The following ERC1 variants were observed in gnomAD, a reference collection of about 807,000 sequenced individuals.
ERC1 encodes the protein RAB6 interacting protein 2.
Under a neutral mutation model 132.0 loss-of-function variants are expected in ERC1, and 56 were observed. The observed-to-expected ratio is 0.42, with a 90% CI of 0.34 to 0.53. ERC1 has a LOEUF of 0.53. Among genes scored for constraint, ERC1 ranks in the 20% least tolerant of loss-of-function variants. ERC1 has a pLI of 0.03. For synonymous variants in ERC1, 478 were observed against 476.1 expected (o/e 1.00, Z -0.05); for missense variants, 1,202 against 1,349.9 (o/e 0.89, Z 1.72).
At chr12:1,095,862 T>C (rs1943953032) in intron 3 of ERC1, among the ~76,000 whole-genome samples, 1 of 152,136 alleles carries the variant, frequency 6.6e-6, no homozygotes. Context: ...AAAACGTCTT[T>C]GTAGAAAAGC....
At chr12:1,080,580 G>A (rs1448161823) in intron 2 of ERC1, among the ~76,000 whole-genome samples, 1 of 152,174 alleles carries the variant, frequency 6.6e-6, no homozygotes, top group East Asian at 1.9e-4. Flanking sequence ...CATAGGAGGA[G>A]GTAATTGAAT....
intron 14 of ERC1, among the ~76,000 whole-genome samples, chr12:1,264,667 CAA>C (rs1165849760): frequency 5.1e-5 from 7 of 136,148 alleles, no homozygotes; most frequent in Non-Finnish European, 1.1e-4. Context: ...CTGTCTCAAA[CAA>C]AAAAAAAAAG....
At chr12:1,221,350 G>A (rs1207271501) in intron 12 of ERC1, among the ~76,000 whole-genome samples, 4 of 152,114 alleles carry the variant, frequency 2.6e-5, no homozygotes, top group Non-Finnish European at 5.9e-5. Context: ...ATAAAATCGG[G>A]TCCTTGTCTT....
chr12:1,068,538 T>A lies in ERC1; in HGVS notation c.670-14626T>A, dbSNP rs895864280. ...CTGATTCTTTACTGATGCTTAGCAT[T>A]TTTTTGTGAATAATTTTTATCCCTC... On this transcript the variant is annotated intron_variant, in intron 2 of 18. Transcript: ENST00000360905. Among the ~76,000 whole-genome samples, 13 of 152,340 alleles carry A rather than the reference T, an allele frequency of 8.5e-5. 1 individual carries two copies. The South Asian group carries it at 1.9e-3, about 22-fold the overall frequency.
intron 2 of ERC1, among the ~76,000 whole-genome samples, chr12:1,055,043 C>T (rs1309834918): frequency 6.6e-6 from 1 of 152,014 alleles, no homozygotes; most frequent in Non-Finnish European, 1.5e-5. Context: ...TGACAGGAGA[C>T]CCCTACCTAA....
At chr12:1,402,242 A>G (rs1268650091) in intron 16 of ERC1, among the ~76,000 whole-genome samples, 3 of 152,226 alleles carry the variant, frequency 2.0e-5, no homozygotes, top group Non-Finnish European at 4.4e-5. Context: ...AAAATTGAAA[A>G]TGAAAAGGCT....
intron 15 of ERC1, among the ~76,000 whole-genome samples, chr12:1,297,454 C>T (rs1010144711): frequency 2.1e-4 from 31 of 149,540 alleles, no homozygotes; most frequent in Non-Finnish European, 3.5e-4. Context: ...GTAATCTCAA[C>T]GCTTTGAGAG....
intron 2 of ERC1, among the ~76,000 whole-genome samples, chr12:1,069,003 A>C (rs1462610104): frequency 6.6e-6 from 1 of 152,188 alleles, no homozygotes; most frequent in Non-Finnish European, 1.5e-5. Flanking sequence ...TTATATTGAG[A>C]GGTAGATTTA....
intron 8 of ERC1, among the ~76,000 whole-genome samples, chr12:1,172,968 A>T (rs760539703): frequency 6.6e-6 from 1 of 152,242 alleles, no homozygotes; most frequent in East Asian, 1.9e-4. Flanking sequence ...GCTTTAGTGT[A>T]TGGTGATTAG....
Position 1,103,562 on chromosome 12 carries a change from T to C in ERC1, c.1087-1188T>C, listed in dbSNP as rs547963264. 5.3e-5 allele frequency among the ~76,000 whole-genome samples: 8 copies of C among 152,300 alleles called. No individual in the cohort carries two copies. The East Asian group carries it at 1.3e-3, about 26-fold the overall frequency. On this transcript the variant is annotated intron_variant, in intron 3 of 18. Transcript: ENST00000360905. ...TCATTCCAGGTGGTGGCCGTGGAGATGGCAAGAAGTGCTTGGATTTTGGGT... is the reference window on the plus strand; with the variant it reads ...TCATTCCAGGTGGTGGCCGTGGAGACGGCAAGAAGTGCTTGGATTTTGGGT...
intron 17 of ERC1, among the ~76,000 whole-genome samples, chr12:1,408,512 A>C (rs1417597855): frequency 6.6e-6 from 1 of 152,236 alleles, no homozygotes; most frequent in Non-Finnish European, 1.5e-5. Context: ...TTAACCTCAG[A>C]GATACACACT....
chr12:1,202,804 G>A (rs1957033494), intron 12 of ERC1, among the ~76,000 whole-genome samples: 2 of 152,164 alleles, frequency 1.3e-5, no homozygotes, highest in Admixed American at 1.3e-4. Context: ...CGTGTGTTAT[G>A]TAAAAACTTG....
intron 13 of ERC1, among the ~76,000 whole-genome samples, chr12:1,244,003 T>TA (rs2076001179): frequency 6.6e-6 from 1 of 152,314 alleles, no homozygotes; most frequent in East Asian, 1.9e-4. Context: ...TACCCAGTAA[T>TA]ATCGCCTAGG....
intron 1 of ERC1, among the ~76,000 whole-genome samples, chr12:1,024,787 T>C (rs1966831926): frequency 6.8e-6 from 1 of 146,096 alleles, no homozygotes; most frequent in Non-Finnish European, 1.5e-5. Context: ...TCAAACCACC[T>C]GTGGACCAAA....
chr12:1,404,047 T>G (rs2154391576), intron 16 of ERC1, among the ~76,000 whole-genome samples: 1 of 152,380 alleles, frequency 6.6e-6, no homozygotes. Context: ...TTTTCAAGAT[T>G]GTCTTAGTCC....
chr12:1,337,801 G>T (rs1367480682), intron 15 of ERC1, among the ~76,000 whole-genome samples: 1 of 152,116 alleles, frequency 6.6e-6, no homozygotes, highest in East Asian at 1.9e-4. Flanking sequence ...ACTTATGAAG[G>T]TTATTTTGTC....
chr12:1,079,934 A>C (rs1190261392), intron 2 of ERC1, among the ~76,000 whole-genome samples: 1 of 152,266 alleles, frequency 6.6e-6, no homozygotes, highest in Admixed American at 6.5e-5. Flanking sequence ...ATGATTTGTA[A>C]TATGTATCAG....
intron 12 of ERC1, among the ~76,000 whole-genome samples, chr12:1,190,791 T>C (rs1955645518): frequency 6.6e-6 from 1 of 152,140 alleles, no homozygotes; most frequent in Non-Finnish European, 1.5e-5. Context: ...CCGGTAGAAC[T>C]TTGTTAATTA....
chr12:1,016,695 A>G (rs796994203), intron 1 of ERC1, among the ~76,000 whole-genome samples: 15 of 140,808 alleles, frequency 1.1e-4, no homozygotes, highest in African/African-American at 4.1e-4. Flanking sequence ...CCCAGGCTGG[A>G]GTGCAGTGGT....
Sources: gnomAD v4.1 joint callset for allele counts (sites outside exome capture counted in the v4.1 genomes callset) on GRCh38, gnomAD v4.1.1 for gene constraint, MANE v1.5 for transcripts, NCBI Gene and HGNC (gene_info 2026-07-23, HGNC 2026-07-21) for gene names.